The following PDSS2 variants were observed in gnomAD, a reference collection of about 807,000 sequenced individuals.
The protein encoded by PDSS2 is all trans-polyprenyl-diphosphate synthase PDSS2.
PDSS2 carries 31 observed loss-of-function variants against 44.5 expected under a neutral mutation model. That is an observed-to-expected ratio of 0.70 (90% CI 0.52 to 0.94). PDSS2 has a LOEUF of 0.94. Among genes scored for constraint, PDSS2 ranks in the 40% least tolerant of loss-of-function variants. The probability of loss-of-function intolerance (pLI) is 0.00; values close to 1 mark genes in which losing one functional copy is unlikely to be tolerated. For missense variants in PDSS2, 452 were observed against 482.2 expected, an observed-to-expected ratio of 0.94 and a Z score of 0.59; for synonymous variants, 157 against 180.3, an observed-to-expected ratio of 0.87 and a Z score of 1.03.
At chr6:107,423,297 G>GA (rs1780885263) in intron 1 of PDSS2, among the ~76,000 whole-genome samples, 1 of 152,072 alleles carries the variant, frequency 6.6e-6, no homozygotes, top group South Asian at 2.1e-4. Flanking sequence ...AGGGAAAAGA[G>GA]AATAAAATGA....
intron 3 of PDSS2, among the ~76,000 whole-genome samples, chr6:107,254,922 G>T (rs1252185653): frequency 2.6e-5 from 4 of 151,800 alleles, no homozygotes; most frequent in Non-Finnish European, 4.4e-5. Context: ...GGAGTGTAGT[G>T]GTGTGATCTC....
intron 1 of PDSS2, among the ~76,000 whole-genome samples, chr6:107,365,580 T>G (rs1030300747): frequency 6.6e-6 from 1 of 152,196 alleles, no homozygotes; most frequent in Admixed American, 6.5e-5. Context: ...CTATCCCTGC[T>G]TTTAACTGGA....
At chr6:107,375,487 A>AC (rs1043888620) in intron 1 of PDSS2, among the ~76,000 whole-genome samples, 1 of 152,242 alleles carries the variant, frequency 6.6e-6, no homozygotes, top group African/African-American at 2.4e-5. Context: ...AGATGGGATG[A>AC]ACAAATTCCT....
At chr6:107,252,831 A>G (rs991646028) in intron 3 of PDSS2, among the ~76,000 whole-genome samples, 2 of 151,336 alleles carry the variant, frequency 1.3e-5, no homozygotes, top group Non-Finnish European at 2.9e-5. Flanking sequence ...AATAGGCCAC[A>G]AATTCAGGAA....
intron 1 of PDSS2, among the ~76,000 whole-genome samples, chr6:107,367,969 T>C (rs1228716905): frequency 6.6e-6 from 1 of 151,844 alleles, no homozygotes; most frequent in Non-Finnish European, 1.5e-5. Flanking sequence ...ATTGATATAT[T>C]AAAAAACTAT....
Position 107,382,268 on chromosome 6 carries a change from T to G in PDSS2, c.297-47936A>C, listed in dbSNP as rs567806815. ...TAATACTTTTTTCTTTCCTTTTTTT[T>G]GGCCGTGAACCACCACCACCACCAC... is the stretch of plus-strand genomic sequence containing the variant. On this transcript the variant is annotated intron_variant, in intron 1 of 7. Coordinates refer to ENST00000369037, the MANE Select transcript of PDSS2 (RefSeq NM_020381.4). Among the ~76,000 whole-genome samples, 8 of 152,292 alleles carry G rather than the reference T, an allele frequency of 5.3e-5. No homozygotes were observed. In the East Asian group the frequency reaches 1.4e-3, roughly 26 times the overall value.
At chr6:107,395,672 T>G (rs909594845) in intron 1 of PDSS2, among the ~76,000 whole-genome samples, 1 of 152,222 alleles carries the variant, frequency 6.6e-6, no homozygotes, top group East Asian at 1.9e-4. Flanking sequence ...ATATATTGAA[T>G]ATATTTATTG....
At chr6:107,270,061 G>C (rs923824253) in intron 3 of PDSS2, among the ~76,000 whole-genome samples, 1 of 152,060 alleles carries the variant, frequency 6.6e-6, no homozygotes, top group Non-Finnish European at 1.5e-5. Context: ...TCTGATCAAC[G>C]ACAGACAACA....
intron 4 of PDSS2, among the ~76,000 whole-genome samples, chr6:107,236,479 A>AG: frequency 6.6e-6 from 1 of 152,058 alleles, no homozygotes; most frequent in East Asian, 1.9e-4. Flanking sequence ...AAAAAAAAAA[A>AG]AAAGAGTTCA....
chr6:107,153,363 C>G lies in PDSS2; in HGVS notation c.*1256G>C, dbSNP rs1027915379. The G allele has an allele frequency of 6.6e-6, 1 of 152,502 alleles. No individual in the cohort carries two copies. Among genetic ancestry groups the G allele is most frequent in the Admixed American group, 6.6e-5 (1 of 15,248 alleles). The allele number at this position is 152,502 out of a possible 1,614,324, so 9.4% of individuals were successfully genotyped here. A position where few individuals can be genotyped will look rare whatever the true frequency, so the allele number is the denominator to read the frequency against. ...CACAGAGACAGTGTCCGATTGCAGG[C>G]CTGTGAGATTGCTTATATTCTTTCT... is the stretch of plus-strand genomic sequence containing the variant. On this transcript the variant is annotated 3_prime_UTR_variant, in exon 8 of 8. Transcript: ENST00000369037.
chr6:107,437,352 C>A, intron 1 of PDSS2, among the ~76,000 whole-genome samples: 1 of 152,018 alleles, frequency 6.6e-6, no homozygotes. Context: ...TGGCGAAACC[C>A]TGTCTTTACT....
intron 2 of PDSS2, among the ~76,000 whole-genome samples, chr6:107,322,437 T>TG (rs1777409147): frequency 6.6e-6 from 1 of 152,088 alleles, no homozygotes; most frequent in African/African-American, 2.4e-5. Context: ...GAGAATCACT[T>TG]GAGCCTGGGA....
At chr6:107,291,545 T>C (rs1776348062) in intron 2 of PDSS2, among the ~76,000 whole-genome samples, 1 of 96,624 alleles carries the variant, frequency 1.0e-5, no homozygotes, top group African/African-American at 3.3e-5. Context: ...TTTTTTTAAG[T>C]AGAGACGGGG....
intron 1 of PDSS2, among the ~76,000 whole-genome samples, chr6:107,352,169 T>G (rs1189937851): frequency 6.6e-6 from 1 of 152,212 alleles, no homozygotes; most frequent in African/African-American, 2.4e-5. Context: ...AGTATTGCTA[T>G]TATGAGTTTA....
At chr6:107,327,495 C>T (rs1265956581) in intron 2 of PDSS2, among the ~76,000 whole-genome samples, 1 of 152,172 alleles carries the variant, frequency 6.6e-6, no homozygotes, top group Non-Finnish European at 1.5e-5. Flanking sequence ...CTGGACAGGG[C>T]CAGGCAGGCT....
At chr6:107,321,005 C>A (rs1777364834) in intron 2 of PDSS2, among the ~76,000 whole-genome samples, 1 of 152,140 alleles carries the variant, frequency 6.6e-6, no homozygotes, top group South Asian at 2.1e-4. Context: ...TATTAAATTT[C>A]TTTAAGCCTG....
intron 2 of PDSS2, among the ~76,000 whole-genome samples, chr6:107,317,572 A>C (rs1027088485): frequency 2.0e-5 from 3 of 152,194 alleles, no homozygotes; most frequent in Non-Finnish European, 2.9e-5. Flanking sequence ...TATAGATTAC[A>C]ACCGTGCCTG....
At chr6:107,198,300 C>T (rs553137709) in intron 6 of PDSS2, among the ~76,000 whole-genome samples, 1 of 152,270 alleles carries the variant, frequency 6.6e-6, no homozygotes, top group Admixed American at 6.5e-5. Flanking sequence ...TGCTCAACAT[C>T]AGCTCTATAA....
At chr6:107,364,776 G>A (rs947866440) in intron 1 of PDSS2, among the ~76,000 whole-genome samples, 20 of 152,160 alleles carry the variant, frequency 1.3e-4, no homozygotes, top group Non-Finnish European at 2.2e-4. Flanking sequence ...ACAAGCGAGG[G>A]CTCTGAGGAC....
Sources: gnomAD v4.1 joint callset for allele counts (sites outside exome capture counted in the v4.1 genomes callset) on GRCh38, gnomAD v4.1.1 for gene constraint, MANE v1.5 for transcripts, NCBI Gene and HGNC (gene_info 2026-07-23, HGNC 2026-07-21) for gene names.